Variants in GGACT observed in about 807,000 individuals in gnomAD.
The protein encoded by GGACT is gamma-glutamylamine cyclotransferase.
For missense variants in GGACT, 241 were observed against 233.2 expected, an observed-to-expected ratio of 1.03 and a Z score of -0.22; for synonymous variants, 118 against 115.3, an observed-to-expected ratio of 1.02 and a Z score of -0.15.
rs556293147 is a variant in GGACT, at chr13:100,534,137, G to A, written c.-10-1536C>T. Among the ~76,000 whole-genome samples, 1 of 152,324 alleles carries A rather than the reference G, an allele frequency of 6.6e-6. No individual in the cohort carries two copies. Among genetic ancestry groups the A allele is most frequent in the African/African-American group, 2.4e-5 (1 of 41,568 alleles). Reference sequence around the variant, plus strand: ...TCAGCAAACAAGAGCTGCTCTGGGGGGTTCTAGGCCTCATTTTGCTCAAGA... The same window carrying A: ...TCAGCAAACAAGAGCTGCTCTGGGGAGTTCTAGGCCTCATTTTGCTCAAGA... On this transcript the variant is annotated intron_variant, in intron 2 of 2. Transcript: ENST00000683975. The surrounding 1 kb of genome is among the most constrained non-coding windows in gnomAD (Gnocchi z 4.9).
At position 100,534,469 on chromosome 13, in the gene GGACT, CT is replaced by C. The variant is rs1358724605; in HGVS notation, c.-10-1869del. Among the ~76,000 whole-genome samples, 1 of 151,654 alleles carries C rather than the reference CT, an allele frequency of 6.6e-6. No homozygotes were observed. The highest frequency in any genetic ancestry group is 1.5e-5 in the Non-Finnish European group (1 of 68,020). On this transcript the variant is annotated intron_variant, in intron 2 of 2. Coordinates refer to ENST00000683975, the MANE Select transcript of GGACT (RefSeq NM_001195087.2). The surrounding 1 kb of genome is among the most constrained non-coding windows in gnomAD (Gnocchi z 4.9). ...CAGGCCTAAAATTGCCAGGACTCGG[CT>C]GCTGGGGTGTACGTGAAAATGACAA...
Position 100,540,229 on chromosome 13 carries a change from T to A in GGACT, c.-10-7628A>T, listed in dbSNP as rs181120024. On this transcript the variant is annotated intron_variant, in intron 2 of 2. Coordinates refer to ENST00000683975, the MANE Select transcript of GGACT (RefSeq NM_001195087.2). ...GCGGCCCTTTTTGGCACGACCATTG[T>A]TCCTTCTTTTCTTTGTCATCTTGGA... 4.4e-4 allele frequency: 618 copies of A among 1,400,918 alleles called. 6 individuals carry two copies. The East Asian group carries it at 0.011, about 26-fold the overall frequency. The allele number at this position is 1,400,918 out of a possible 1,614,324, so 86.8% of individuals were successfully genotyped here. A position where few individuals can be genotyped will look rare whatever the true frequency, so the allele number is the denominator to read the frequency against.
chr13:100,540,471 G>A (rs1236890355), intron 2 of GGACT, among the ~76,000 whole-genome samples: 1 of 152,148 alleles, frequency 6.6e-6, no homozygotes, highest in African/African-American at 2.4e-5. Flanking sequence ...TGTAGGACGT[G>A]ATGTTTTCTC....
At chr13:100,584,340 G>T (rs983835841) in intron 1 of GGACT, among the ~76,000 whole-genome samples, 1 of 152,146 alleles carries the variant, frequency 6.6e-6, no homozygotes, top group African/African-American at 2.4e-5. Context: ...TGGTGCAGCC[G>T]GAGGTCGTTA....
intron 2 of GGACT, among the ~76,000 whole-genome samples, chr13:100,540,965 T>C (rs566778142): frequency 1.3e-5 from 2 of 152,350 alleles, no homozygotes; most frequent in African/African-American, 4.8e-5. Context: ...TTACTGTGTC[T>C]TCAACCCTGC....
rs935370174 is a variant in GGACT at position 100,534,020 on chromosome 13, C to T, written c.-10-1419G>A. On this transcript the variant is annotated intron_variant, in intron 2 of 2. Coordinates refer to ENST00000683975, the MANE Select transcript of GGACT (RefSeq NM_001195087.2). The surrounding 1 kb of genome is among the most constrained non-coding windows in gnomAD (Gnocchi z 4.9). ...GCTCGTGACCCGCCAGAAATGGCCC[C>T]GGACACCACACTTGCCACCAATCAT... Among the ~76,000 whole-genome samples, 6 of 152,324 alleles carry T rather than the reference C, an allele frequency of 3.9e-5. No homozygotes were observed. Among genetic ancestry groups the T allele is most frequent in the South Asian group, 2.1e-4 (1 of 4,818 alleles).
intron 2 of GGACT, among the ~76,000 whole-genome samples, chr13:100,579,653 G>C (rs185589349): frequency 1.3e-5 from 2 of 152,138 alleles, no homozygotes; most frequent in Admixed American, 6.5e-5. Flanking sequence ...GACAGGCCTT[G>C]CTGGGCTTCC....
chr13:100,570,496 T>C (rs1256505066), intron 2 of GGACT, among the ~76,000 whole-genome samples: 1 of 152,212 alleles, frequency 6.6e-6, no homozygotes, highest in Non-Finnish European at 1.5e-5. Flanking sequence ...ACCGCTGCCA[T>C]GATTCAGTTA....
chr13:100,587,951 G>T lies in GGACT; in HGVS notation c.-184+790C>A, dbSNP rs137881896. On this transcript the variant is annotated intron_variant, in intron 1 of 2. Transcript: ENST00000683975. ...TGAGGCAGGAGAATCGCTTGAACCC[G>T]GAAGGCAGAGGTTGCAGTGAGCCGA... Among the ~76,000 whole-genome samples the T allele has an allele frequency of 5.2e-3, 798 of 152,306 alleles. 5 individuals carry two copies. Among genetic ancestry groups the T allele is most frequent in the African/African-American group, 0.018 (750 of 41,558 alleles).
chr13:100,556,146 A>G (rs1046105277), intron 2 of GGACT, among the ~76,000 whole-genome samples: 4 of 152,236 alleles, frequency 2.6e-5, no homozygotes, highest in Non-Finnish European at 5.9e-5. Flanking sequence ...TAAAGGAAGA[A>G]AAAGAAATAA....
chr13:100,553,860 A>AC (rs1555333904), intron 2 of GGACT, among the ~76,000 whole-genome samples: 35 of 150,768 alleles, frequency 2.3e-4, no homozygotes, highest in African/African-American at 8.5e-4. Context: ...AAAAAAAAAA[A>AC]GGTAGTAACA....
Position 100,532,070 on chromosome 13 carries a change from G to A in GGACT, c.*60C>T, listed in dbSNP as rs2088399406. On this transcript the variant is annotated 3_prime_UTR_variant, in exon 3 of 3. Coordinates refer to ENST00000683975, the MANE Select transcript of GGACT (RefSeq NM_001195087.2). ...TCGGCTTCCGCCTTCACCCAGCATG[G>A]GCTGGGCGCATCTTGGAGCCCCAGG... The A allele has an allele frequency of 7.1e-6, 9 of 1,268,708 alleles. No homozygotes were observed. The highest frequency in any genetic ancestry group is 1.5e-5 in the African/African-American group (1 of 65,628). 78.6% of individuals were successfully genotyped at this position (1,268,708 alleles called of 1,614,324 possible).
intron 2 of GGACT, among the ~76,000 whole-genome samples, chr13:100,552,284 T>A (rs1215014784): frequency 6.6e-6 from 1 of 152,220 alleles, no homozygotes; most frequent in Admixed American, 6.5e-5. Context: ...CAGGTGTTAC[T>A]GTCCCATCCC....
intron 1 of GGACT, chr13:100,586,565 GCTT>G (rs1482918478): frequency 1.4e-5 from 2 of 143,538 alleles, no homozygotes; most frequent in African/African-American, 5.2e-5. Flanking sequence ...GTCATTTTCA[GCTT>G]CTTATTTTTG....
At chr13:100,579,537 G>A (rs1171493492) in intron 2 of GGACT, among the ~76,000 whole-genome samples, 1 of 152,098 alleles carries the variant, frequency 6.6e-6, no homozygotes, top group Non-Finnish European at 1.5e-5. Flanking sequence ...CTGTATAACA[G>A]CTGGCCATAA....
chr13:100,541,251 T>A (rs2088551698), intron 2 of GGACT, among the ~76,000 whole-genome samples: 1 of 152,206 alleles, frequency 6.6e-6, no homozygotes, highest in Non-Finnish European at 1.5e-5. Flanking sequence ...AACCTCAGAA[T>A]TCTGTAGATG....
intron 2 of GGACT, among the ~76,000 whole-genome samples, chr13:100,557,763 G>A (rs1444430979): frequency 1.3e-5 from 2 of 152,122 alleles, no homozygotes; most frequent in East Asian, 3.9e-4. Flanking sequence ...ACTCGGGTGA[G>A]TAAATGAAAA....
intron 2 of GGACT, among the ~76,000 whole-genome samples, chr13:100,565,764 G>T (rs1404159632): frequency 6.6e-6 from 1 of 152,118 alleles, no homozygotes; most frequent in Non-Finnish European, 1.5e-5. Flanking sequence ...CAGCTGTGGG[G>T]ACTTCTGTGT....
chr13:100,574,053 T>C (rs1197486503), intron 2 of GGACT, among the ~76,000 whole-genome samples: 1 of 152,062 alleles, frequency 6.6e-6, no homozygotes, highest in African/African-American at 2.4e-5. Context: ...CAAAGGAAAA[T>C]AGATCATTCT....
Sources: allele counts gnomAD v4.1 joint callset (sites outside exome capture counted in the v4.1 genomes callset), GRCh38; gene constraint gnomAD v4.1.1; non-coding constraint Gnocchi (gnomAD v3.1); transcripts MANE v1.5; gene names NCBI Gene and HGNC (gene_info 2026-07-23, HGNC 2026-07-21).